Variants in EDIL3 observed in about 807,000 individuals in gnomAD.
The protein encoded by EDIL3 is EGF like and discoidin domains 3.
EDIL3 carries 37 observed loss-of-function variants against 67.4 expected under a neutral mutation model. That is an observed-to-expected ratio of 0.55 (90% CI 0.42 to 0.72). The LOEUF (loss-of-function observed/expected upper bound fraction) is 0.72, where lower values mean the gene tolerates loss of function less well. Ranked by LOEUF, EDIL3 falls within the 30% of genes least tolerant of loss-of-function variation. The probability of loss-of-function intolerance (pLI) is 0.00; values close to 1 mark genes in which losing one functional copy is unlikely to be tolerated. For missense variants in EDIL3, 527 were observed against 586.3 expected, an observed-to-expected ratio of 0.90 and a Z score of 1.04; for synonymous variants, 195 against 196.3, an observed-to-expected ratio of 0.99 and a Z score of 0.05.
At chr5:84,198,940 T>C (rs1743775202) in intron 3 of EDIL3, among the ~76,000 whole-genome samples, 2 of 152,106 alleles carry the variant, frequency 1.3e-5, no homozygotes, top group Admixed American at 6.6e-5. Flanking sequence ...AATCAATTCC[T>C]AGCTTGCTTG....
Position 83,941,624 on chromosome 5 carries a change from C to T in EDIL3, c.*1795G>A, listed in dbSNP as rs910616688. The T allele has an allele frequency of 1.3e-5, 2 of 151,824 alleles. No individual in the cohort carries two copies. The highest frequency in any genetic ancestry group is 4.8e-5 in the African/African-American group (2 of 41,386). The allele number at this position is 151,824 out of a possible 1,614,324, so 9.4% of individuals were successfully genotyped here. A position where few individuals can be genotyped will look rare whatever the true frequency, so the allele number is the denominator to read the frequency against. On this transcript the variant is annotated 3_prime_UTR_variant, in exon 11 of 11. Transcript: ENST00000296591. Reference sequence around the variant, plus strand: ...AGCCAGTTACAAATATTTTAAAATCCTAACTTTAAAGTTATCTAAAAAAGG... The same window carrying T: ...AGCCAGTTACAAATATTTTAAAATCTTAACTTTAAAGTTATCTAAAAAAGG...
At chr5:84,177,557 G>C (rs993609003) in intron 4 of EDIL3, among the ~76,000 whole-genome samples, 2 of 152,058 alleles carry the variant, frequency 1.3e-5, no homozygotes, top group Non-Finnish European at 2.9e-5. Context: ...ACAATACAAA[G>C]AGTGAACTCT....
intron 1 of EDIL3, among the ~76,000 whole-genome samples, chr5:84,317,258 A>G (rs1746532442): frequency 6.6e-6 from 1 of 152,160 alleles, no homozygotes; most frequent in Non-Finnish European, 1.5e-5. Flanking sequence ...AATAACTAAG[A>G]TCAGAGCAGA....
At chr5:84,214,577 G>C (rs1212005173) in intron 3 of EDIL3, among the ~76,000 whole-genome samples, 3 of 152,142 alleles carry the variant, frequency 2.0e-5, no homozygotes, top group Non-Finnish European at 4.4e-5. Context: ...TGGACAAGGA[G>C]AGTTGCCTGT....
At chr5:84,046,167 G>A (rs980437063) in intron 9 of EDIL3, among the ~76,000 whole-genome samples, 7 of 152,154 alleles carry the variant, frequency 4.6e-5, no homozygotes, top group African/African-American at 1.7e-4. Context: ...TCATACATGT[G>A]TATGTGTGTG....
intron 3 of EDIL3, among the ~76,000 whole-genome samples, chr5:84,205,073 C>G (rs1027821473): frequency 7.8e-6 from 1 of 128,430 alleles, no homozygotes; most frequent in Non-Finnish European, 1.6e-5. Context: ...CCACCATGCC[C>G]TGGAAGATTT....
At chr5:84,129,930 T>A (rs944999053) in intron 5 of EDIL3, among the ~76,000 whole-genome samples, 4 of 152,164 alleles carry the variant, frequency 2.6e-5, no homozygotes, top group Non-Finnish European at 5.9e-5. Context: ...CACATGTTGG[T>A]TAAATAACAA....
chr5:84,215,544 GC>G (rs1744211638), intron 3 of EDIL3, among the ~76,000 whole-genome samples: 1 of 152,150 alleles, frequency 6.6e-6, no homozygotes, highest in Non-Finnish European at 1.5e-5. Flanking sequence ...GAGCCACCAC[GC>G]CCAGTTAAGA....
At chr5:84,110,909 A>G (rs1286682050) in intron 5 of EDIL3, among the ~76,000 whole-genome samples, 1 of 152,204 alleles carries the variant, frequency 6.6e-6, no homozygotes, top group Non-Finnish European at 1.5e-5. Context: ...TACATAATGT[A>G]TGGCACTGAT....
chr5:84,303,648 G>A lies in EDIL3; in HGVS notation c.68-49436C>T, dbSNP rs576018439. ...TATTATTATATTTTACATTTGTGTT[G>A]AATAATTTTTAATTTCAAAAGTTAA... On this transcript the variant is annotated intron_variant, in intron 1 of 10. Transcript: ENST00000296591. 1.8e-4 allele frequency among the ~76,000 whole-genome samples: 28 copies of A among 152,214 alleles called. No homozygotes were observed. In the South Asian group the frequency reaches 2.5e-3, roughly 14 times the overall value.
intron 9 of EDIL3, among the ~76,000 whole-genome samples, chr5:83,997,864 A>G (rs1057466585): frequency 3.9e-5 from 6 of 152,098 alleles, no homozygotes; most frequent in Admixed American, 3.9e-4. Context: ...GTGCATTGGA[A>G]CTCAGTACTG....
At chr5:84,072,177 A>G (rs1308208512) in intron 6 of EDIL3, among the ~76,000 whole-genome samples, 1 of 152,144 alleles carries the variant, frequency 6.6e-6, no homozygotes, top group Non-Finnish European at 1.5e-5. Context: ...ATTAAAAGCA[A>G]AATAAATACA....
At chr5:84,160,486 T>C (rs1483404368) in intron 4 of EDIL3, among the ~76,000 whole-genome samples, 1 of 152,146 alleles carries the variant, frequency 6.6e-6, no homozygotes, top group African/African-American at 2.4e-5. Context: ...TTTATTTTAT[T>C]TTATTGCTGG....
chr5:84,339,741 T>C (rs1299010436), intron 1 of EDIL3, among the ~76,000 whole-genome samples: 1 of 152,126 alleles, frequency 6.6e-6, no homozygotes, highest in Non-Finnish European at 1.5e-5. Context: ...CTCTAAAGTA[T>C]ACTTTAATAC....
rs112727358 is a variant in EDIL3, at chr5:83,942,102, T to C, written c.*1317A>G. On this transcript the variant is annotated 3_prime_UTR_variant, in exon 11 of 11. Transcript: ENST00000296591. Reference sequence around the variant, plus strand: ...ATAAAATAAATACTTGTAAAGCTTATAAATTAGATGTTGAAGACTTTTATG... The same window carrying C: ...ATAAAATAAATACTTGTAAAGCTTACAAATTAGATGTTGAAGACTTTTATG... The C allele has an allele frequency of 6.6e-6, 1 of 152,034 alleles. No individual in the cohort carries two copies. Among genetic ancestry groups the C allele is most frequent in the African/African-American group, 2.4e-5 (1 of 41,444 alleles). 9.4% of individuals were successfully genotyped at this position (152,034 alleles called of 1,614,324 possible).
Position 84,094,236 on chromosome 5 carries a change from C to A in EDIL3, c.651+12413G>T, listed in dbSNP as rs114976227. Among the ~76,000 whole-genome samples, 487 of 152,168 alleles carry A rather than the reference C, an allele frequency of 3.2e-3. 4 individuals carry two copies. The highest frequency in any genetic ancestry group is 0.011 in the African/African-American group (460 of 41,518). The stretch of plus-strand genomic sequence containing the variant: ...AAAACACACAACTATGTATGAAAAA[C>A]TCATTTCTAATAAACAATTCAAATA... On this transcript the variant is annotated intron_variant, in intron 6 of 10. Transcript: ENST00000296591.
chr5:84,229,929 AGGGAGGGAGAAGGG>A, intron 2 of EDIL3, 45 bp from the exon 3 acceptor site: 5 of 1,315,938 alleles, frequency 3.8e-6, no homozygotes, highest in Non-Finnish European at 5.2e-6. Context: ...GTAGAAGTGA[AGGGAGGGAGAAGGG>A]GGGAGAGAGA....
At chr5:84,242,275 T>G (rs1465550688) in intron 2 of EDIL3, among the ~76,000 whole-genome samples, 1 of 151,888 alleles carries the variant, frequency 6.6e-6, no homozygotes, top group Non-Finnish European at 1.5e-5. Context: ...AAGTTGGTAC[T>G]GTTAACCCCA....
At chr5:84,076,229 T>G (rs1057323619) in intron 6 of EDIL3, among the ~76,000 whole-genome samples, 3 of 152,100 alleles carry the variant, frequency 2.0e-5, no homozygotes, top group African/African-American at 7.2e-5. Context: ...TTGTTTTGGT[T>G]GCAATATAGG....
Sources: allele counts gnomAD v4.1 joint callset (sites outside exome capture counted in the v4.1 genomes callset), GRCh38; gene constraint gnomAD v4.1.1; transcripts MANE v1.5; gene names NCBI Gene and HGNC (gene_info 2026-07-23, HGNC 2026-07-21).